The following CSNK2A2 variants were observed in gnomAD, a reference collection of about 807,000 sequenced individuals.
The protein encoded by CSNK2A2 is casein kinase II subunit alpha'.
In CSNK2A2, 8 loss-of-function variants were observed where a neutral mutation model predicts 54.0. The ratio of observed to expected loss-of-function variants is 0.15; its 90% CI spans 0.09 to 0.27. The LOEUF is 0.27. Ranked by LOEUF, CSNK2A2 falls within the 10% of genes least tolerant of loss-of-function variation. The pLI is 1.00. For missense variants in CSNK2A2, 242 were observed against 439.4 expected (o/e 0.55, Z 4.02); for synonymous variants, 141 against 153.9 (o/e 0.92, Z 0.62).
chr16:58,167,848 G>T, intron 6 of CSNK2A2, 53 bp from the exon 7 acceptor site: 5 of 1,397,242 alleles, frequency 3.6e-6, no homozygotes, highest in Non-Finnish European at 5.1e-6. Context: ...AGACGCCTAT[G>T]CCTTAGAACA....
rs201815819 is a variant in CSNK2A2 at position 58,167,247 on chromosome 16, C to T, written c.686G>A (p.Arg229Gln). ...LGCMLASMIF[R>Q]REPFFHGQDN... Reference sequence around the variant, plus strand: ...CTGTCCATGGAAGAATGGTTCCCTTCGAAAGATCATGCTTGCTAACATACA... The same window carrying T: ...CTGTCCATGGAAGAATGGTTCCCTTTGAAAGATCATGCTTGCTAACATACA... The change falls in exon 8 of 12, where the codon CGA (arginine) becomes CAA (glutamine). Residue 229 changes from arginine to glutamine, a missense_variant. Around this residue, in one of 5 missense-constraint regions of CSNK2A2, gnomAD observed 40 missense variants for 128.7 expected, o/e 0.31. Coordinates refer to ENST00000262506, the MANE Select transcript of CSNK2A2 (RefSeq NM_001896.4). 9 of 1,613,512 alleles carry T rather than the reference C, an allele frequency of 5.6e-6. No homozygotes were observed. Among genetic ancestry groups the T allele is most frequent in the Non-Finnish European group, 6.8e-6 (8 of 1,179,850 alleles).
At chr16:58,184,394 A>C in intron 3 of CSNK2A2, 84 bp from the exon 4 acceptor site, 3 of 935,416 alleles carry the variant, frequency 3.2e-6, no homozygotes, top group East Asian at 2.6e-5. Context: ...CCATCCCCAA[A>C]TCCTACTTAG....
At chr16:58,191,471 C>T (rs1962319934) in intron 2 of CSNK2A2, among the ~76,000 whole-genome samples, 2 of 152,106 alleles carry the variant, frequency 1.3e-5, no homozygotes, top group Non-Finnish European at 1.5e-5. Flanking sequence ...AAGCAATTCT[C>T]CTGCCTTAGC....
At chr16:58,175,041 A>G (rs1260902243) in intron 4 of CSNK2A2, among the ~76,000 whole-genome samples, 1 of 152,218 alleles carries the variant, frequency 6.6e-6, no homozygotes, top group Non-Finnish European at 1.5e-5. Flanking sequence ...GCAAGAGCTT[A>G]CAAAAAAATC....
intron 11 of CSNK2A2, chr16:58,160,264 G>C (rs1961299487): frequency 6.6e-6 from 1 of 152,072 alleles, no homozygotes; most frequent in Non-Finnish European, 1.5e-5. Context: ...TTTGCTTTCG[G>C]AAGGGTTTAT....
intron 3 of CSNK2A2, among the ~76,000 whole-genome samples, chr16:58,184,966 A>C (rs1038214885): frequency 2.6e-4 from 40 of 152,128 alleles, no homozygotes; most frequent in African/African-American, 9.7e-4. Context: ...GTTCCTAAAA[A>C]CTCATATATA....
chr16:58,169,156 G>A (rs1961659722), intron 5 of CSNK2A2, among the ~76,000 whole-genome samples: 1 of 152,026 alleles, frequency 6.6e-6, no homozygotes, highest in South Asian at 2.1e-4. Context: ...TCAATCTCCT[G>A]ACCTCGTGAT....
chr16:58,195,533 G>A (rs559620121), intron 2 of CSNK2A2, among the ~76,000 whole-genome samples: 46 of 152,242 alleles, frequency 3.0e-4, no homozygotes, highest in African/African-American at 1.1e-3. Context: ...GGGCCACAAT[G>A]GAAATCACAT....
chr16:58,191,047 T>C (rs893701760), intron 2 of CSNK2A2, among the ~76,000 whole-genome samples: 1 of 152,178 alleles, frequency 6.6e-6, no homozygotes, highest in Non-Finnish European at 1.5e-5. Context: ...AGCCTTAAAA[T>C]GGAAGGAAAT....
chr16:58,176,320 G>C (rs923190293), intron 4 of CSNK2A2, among the ~76,000 whole-genome samples: 5 of 152,154 alleles, frequency 3.3e-5, no homozygotes, highest in African/African-American at 1.2e-4. Flanking sequence ...TGTATAAATG[G>C]TGTAAGCCAT....
chr16:58,180,070 C>T (rs1233758196), intron 4 of CSNK2A2, among the ~76,000 whole-genome samples: 2 of 137,944 alleles, frequency 1.4e-5, no homozygotes, highest in East Asian at 4.2e-4. Flanking sequence ...CAGAGCGAGA[C>T]TCCTTCTCAA....
At chr16:58,167,411 G>T in intron 7 of CSNK2A2, 103 bp from the exon 8 acceptor site, 2 of 772,672 alleles carry the variant, frequency 2.6e-6, no homozygotes, top group Non-Finnish European at 2.0e-6. Context: ...GGGTGGTATG[G>T]CCATAGATAA....
chr16:58,178,226 C>T (rs1475750378), intron 4 of CSNK2A2, among the ~76,000 whole-genome samples: 3 of 151,408 alleles, frequency 2.0e-5, no homozygotes, highest in Non-Finnish European at 2.9e-5. Flanking sequence ...AGTGTCTTAT[C>T]GAAATCTTTT....
intron 2 of CSNK2A2, among the ~76,000 whole-genome samples, chr16:58,192,223 C>T (rs1247856088): frequency 6.6e-6 from 1 of 152,168 alleles, no homozygotes; most frequent in East Asian, 1.9e-4. Context: ...GCACTTCCTA[C>T]ACTACACCAC....
At chr16:58,167,132 A>G (rs1362291863) in intron 8 of CSNK2A2, 75 bp downstream of exon 8, 2 of 920,860 alleles carry the variant, frequency 2.2e-6, no homozygotes, top group Non-Finnish European at 3.4e-6. Flanking sequence ...GCTCAAGGAT[A>G]GTATTCTTAT....
At chr16:58,184,961 TAA>T (rs1962152140) in intron 3 of CSNK2A2, among the ~76,000 whole-genome samples, 1 of 152,224 alleles carries the variant, frequency 6.6e-6, no homozygotes, top group Admixed American at 6.5e-5. Flanking sequence ...GACCTGTTCC[TAA>T]AAACTCATAT....
intron 4 of CSNK2A2, among the ~76,000 whole-genome samples, chr16:58,179,151 C>G (rs1392846802): frequency 1.3e-5 from 2 of 152,096 alleles, no homozygotes; most frequent in Non-Finnish European, 2.9e-5. Flanking sequence ...AGTGACGTAT[C>G]ATAATGATGT....
intron 4 of CSNK2A2, among the ~76,000 whole-genome samples, chr16:58,183,943 C>T (rs1010813164): frequency 6.6e-6 from 1 of 152,022 alleles, no homozygotes; most frequent in African/African-American, 2.4e-5. Context: ...AGTAAGATTT[C>T]GTACAAAAGG....
At position 58,197,535 on chromosome 16, in the gene CSNK2A2, T is replaced by C; in HGVS notation, c.104+98A>G. The C allele has an allele frequency of 1.5e-6, 1 of 653,372 alleles. No homozygotes were observed. Among genetic ancestry groups the C allele is most frequent in the Non-Finnish European group, 2.4e-6 (1 of 417,178 alleles). 40.5% of individuals were successfully genotyped at this position (653,372 alleles called of 1,614,324 possible). A position where few individuals can be genotyped will look rare whatever the true frequency, so the allele number is the denominator to read the frequency against. ...GCCTCCCTGCGGGCCCGCGGAGGGG[T>C]CGGCGGGAGACACCACCGGGCCCGA... On this transcript the variant is annotated intron_variant, in intron 1 of 11. Transcript: ENST00000262506. The surrounding 1 kb of genome is among the most constrained non-coding windows in gnomAD (Gnocchi z 4.0).
Sources: gnomAD v4.1 joint callset for allele counts (sites outside exome capture counted in the v4.1 genomes callset) on GRCh38, gnomAD v4.1.1 for gene constraint, gnomAD v4.1.1 regional missense constraint, Gnocchi (gnomAD v3.1) non-coding constraint, MANE v1.5 for transcripts, NCBI Gene and HGNC (gene_info 2026-07-23, HGNC 2026-07-21) for gene names.